Variants in CACNA1C observed in about 807,000 individuals in gnomAD.
CACNA1C encodes the protein calcium voltage-gated channel subunit alpha1 C.
CACNA1C carries 30 observed loss-of-function variants against 229.0 expected under a neutral mutation model. The ratio of observed to expected loss-of-function variants is 0.13; its 90% CI spans 0.10 to 0.18. The LOEUF (loss-of-function observed/expected upper bound fraction) is 0.18. Among genes scored for constraint, CACNA1C ranks in the 10% least tolerant of loss-of-function variants. The pLI is 1.00. For missense variants in CACNA1C, 1,658 were observed against 2,845.0 expected, an observed-to-expected ratio of 0.58 and a Z score of 9.49; for synonymous variants, 1,114 against 1,132.5, an observed-to-expected ratio of 0.98 and a Z score of 0.33.
intron 3 of CACNA1C, among the ~76,000 whole-genome samples, chr12:2,173,556 C>T (rs1390580561): frequency 2.0e-5 from 3 of 152,116 alleles, no homozygotes. Flanking sequence ...TTTGTTGATA[C>T]CAGGTGCAGT....
intron 29 of CACNA1C, among the ~76,000 whole-genome samples, chr12:2,631,909 G>A (rs943270036): frequency 4.6e-5 from 7 of 152,220 alleles, no homozygotes; most frequent in African/African-American, 1.7e-4. Flanking sequence ...CTGGAAAGAG[G>A]GCATGGCTGG....
At chr12:2,033,579 C>T (rs1382361536) in intron 1 of CACNA1C, among the ~76,000 whole-genome samples, 2 of 152,134 alleles carry the variant, frequency 1.3e-5, no homozygotes, top group East Asian at 3.9e-4. Context: ...ACATGATTCA[C>T]AGTATAATCC....
intron 3 of CACNA1C, among the ~76,000 whole-genome samples, chr12:2,254,705 A>G (rs1227698655): frequency 2.6e-5 from 4 of 152,154 alleles, no homozygotes; most frequent in Admixed American, 2.0e-4. Flanking sequence ...GAGATTTGCT[A>G]TGGAGTCAGG....
In CACNA1C at chr12:2,633,629, G is replaced by C; in HGVS notation, c.3829-668G>C. On this transcript the variant is annotated intron_variant, in intron 29 of 46. Coordinates refer to ENST00000399655, the MANE Select transcript of CACNA1C (RefSeq NM_000719.7). The surrounding 1 kb of genome is among the most constrained non-coding windows in gnomAD (Gnocchi z 5.8). ...ATCCTGCCTGCCCTCCCTTATGTAG[G>C]GTTACTTTAGTGATCCCTGGAATGT... The C allele has an allele frequency of 6.3e-7, 1 of 1,586,580 alleles. No individual in the cohort carries two copies. The highest frequency in any genetic ancestry group is 8.7e-7 in the Non-Finnish European group (1 of 1,155,176).
At chr12:2,112,740 AGTGATGCCAT>A (rs1318694355) in intron 1 of CACNA1C, among the ~76,000 whole-genome samples, 4 of 152,300 alleles carry the variant, frequency 2.6e-5, no homozygotes, top group Admixed American at 2.6e-4. Context: ...ATGTGGCATG[AGTGATGCCAT>A]TCCCTGCCCT....
chr12:2,614,655 C>T (rs555731568), intron 29 of CACNA1C: 73 of 152,342 alleles, frequency 4.8e-4, no homozygotes, highest in African/African-American at 1.8e-3. Context: ...CTTTTTATTT[C>T]ACTGGCATGG....
At chr12:2,228,049 G>A (rs2063540419) in intron 3 of CACNA1C, among the ~76,000 whole-genome samples, 1 of 152,118 alleles carries the variant, frequency 6.6e-6, no homozygotes, top group African/African-American at 2.4e-5. Context: ...TGGATAAAGG[G>A]GCAGCAGGAA....
At chr12:2,644,206 T>G (rs2238097) in intron 30 of CACNA1C, among the ~76,000 whole-genome samples, 10,155 of 152,298 alleles carry the variant, frequency 0.067, 463 homozygotes, top group Admixed American at 0.15. Flanking sequence ...ATTGTCTCAA[T>G]GGCAGCCATT....
At chr12:2,668,764 A>C in intron 37 of CACNA1C, 169 bp from the exon 38 acceptor site, 1 of 610,620 alleles carries the variant, frequency 1.6e-6, no homozygotes. Flanking sequence ...AATCCACCCC[A>C]TGATGCAATC....
intron 3 of CACNA1C, among the ~76,000 whole-genome samples, chr12:2,340,387 C>T (rs1474271193): frequency 6.6e-6 from 1 of 152,180 alleles, no homozygotes; most frequent in East Asian, 1.9e-4. Context: ...ACACCCATGC[C>T]AACAGGCTGA....
At position 2,597,527 on chromosome 12, in the gene CACNA1C, C is replaced by T. The variant is rs373764135; in HGVS notation, c.2853+238C>T. On this transcript the variant is annotated intron_variant, in intron 21 of 46. Coordinates refer to ENST00000399655, the MANE Select transcript of CACNA1C (RefSeq NM_000719.7). The surrounding 1 kb of genome is among the most constrained non-coding windows in gnomAD (Gnocchi z 4.3). ...GCAACCTGGGCAATGCATCCTCTGT[C>T]GCTTTCTTTGTCTATCTCTGCTCTG... 9 of 1,365,050 alleles carry T rather than the reference C, an allele frequency of 6.6e-6. No homozygotes were observed. Among genetic ancestry groups the T allele is most frequent in the Non-Finnish European group, 9.4e-6 (9 of 953,018 alleles). The allele number at this position is 1,365,050 out of a possible 1,614,324, so 84.6% of individuals were successfully genotyped here.
chr12:2,461,682 A>G (rs992632364), intron 5 of CACNA1C, among the ~76,000 whole-genome samples: 3 of 152,174 alleles, frequency 2.0e-5, no homozygotes, highest in African/African-American at 7.2e-5. Flanking sequence ...TCAGCTTGGT[A>G]AATGCTAGCC....
At chr12:2,378,817 C>CCT (rs1555502249) in intron 3 of CACNA1C, among the ~76,000 whole-genome samples, 15 of 78,368 alleles carry the variant, frequency 1.9e-4, no homozygotes, top group Admixed American at 6.1e-4. Flanking sequence ...TTCCTTCCTT[C>CCT]CTCTCTCTCT....
intron 1 of CACNA1C, among the ~76,000 whole-genome samples, chr12:2,040,216 T>C (rs186266417): frequency 6.6e-6 from 1 of 152,258 alleles, no homozygotes; most frequent in Admixed American, 6.5e-5. Flanking sequence ...GTAGAAACTA[T>C]CAAAGATGGC....
intron 30 of CACNA1C, 73 bp from the exon 31 acceptor site, chr12:2,648,402 G>T: frequency 7.1e-7 from 1 of 1,411,114 alleles, no homozygotes; most frequent in Middle Eastern, 1.8e-4. Flanking sequence ...TCCCGTGTCA[G>T]CCAAGACCTA....
intron 3 of CACNA1C, among the ~76,000 whole-genome samples, chr12:2,172,444 A>C (rs2096523984): frequency 6.6e-6 from 1 of 152,188 alleles, no homozygotes; most frequent in Admixed American, 6.5e-5. Flanking sequence ...ATCAAACCCA[A>C]ATTATCTTAG....
chr12:2,319,222 A>G lies in CACNA1C; in HGVS notation c.478-129754A>G, dbSNP rs1306702687. Among the ~76,000 whole-genome samples, 4 of 152,046 alleles carry G rather than the reference A, an allele frequency of 2.6e-5. No individual in the cohort carries two copies. The highest frequency in any genetic ancestry group is 4.4e-5 in the Non-Finnish European group (3 of 67,984). ...CCCCTGCCCTGTCCTGGCAGTGTAC[A>G]TGATGAGCAGCTTACATGATGTGTA... On this transcript the variant is annotated intron_variant, in intron 3 of 46. Coordinates refer to ENST00000399655, the MANE Select transcript of CACNA1C (RefSeq NM_000719.7). The surrounding 1 kb of genome is among the most constrained non-coding windows in gnomAD (Gnocchi z 4.0).
At chr12:2,188,578 C>T (rs1429486837) in intron 3 of CACNA1C, among the ~76,000 whole-genome samples, 2 of 152,074 alleles carry the variant, frequency 1.3e-5, no homozygotes, top group Non-Finnish European at 1.5e-5. Context: ...TGTCTCTCCC[C>T]ATCCCCAGAG....
chr12:2,192,872 A>G (rs1359298566), intron 3 of CACNA1C, among the ~76,000 whole-genome samples: 3 of 152,198 alleles, frequency 2.0e-5, no homozygotes, highest in Non-Finnish European at 4.4e-5. Context: ...CCAGAGTTTC[A>G]TGCTGTGTGT....
Sources: gnomAD v4.1 joint callset for allele counts (sites outside exome capture counted in the v4.1 genomes callset) on GRCh38, gnomAD v4.1.1 for gene constraint, Gnocchi (gnomAD v3.1) non-coding constraint, MANE v1.5 for transcripts, NCBI Gene and HGNC (gene_info 2026-07-23, HGNC 2026-07-21) for gene names.